FOXP1: variants seen among roughly 807,000 people sequenced by gnomAD.
The protein encoded by FOXP1 is forkhead box protein P1.
In FOXP1, 15 loss-of-function variants were observed where a neutral mutation model predicts 98.2. That is an observed-to-expected ratio of 0.15 (90% CI 0.10 to 0.24). FOXP1 has a LOEUF of 0.24. FOXP1 is among the 10% of genes least tolerant of loss of function. The probability of loss-of-function intolerance (pLI) is 1.00; values close to 1 mark genes in which losing one functional copy is unlikely to be tolerated. For synonymous variants in FOXP1, 371 were observed against 314.5 expected, an observed-to-expected ratio of 1.18 and a Z score of -1.90; for missense variants, 633 against 848.5, an observed-to-expected ratio of 0.75 and a Z score of 3.15.
At chr3:70,985,211 T>C (rs1324938572) in intron 14 of FOXP1, among the ~76,000 whole-genome samples, 1 of 152,168 alleles carries the variant, frequency 6.6e-6, no homozygotes, top group Non-Finnish European at 1.5e-5. Flanking sequence ...CTGTTTCAAA[T>C]TAAAGATTCT....
chr3:71,142,999 A>T (rs7629367), intron 6 of FOXP1, among the ~76,000 whole-genome samples: 20,060 of 152,004 alleles, frequency 0.13, 4,575 homozygotes, highest in African/African-American at 0.46. Flanking sequence ...GGGCTTGCAT[A>T]CTGGTCCCAC....
At chr3:71,354,044 C>A (rs148719123) in intron 4 of FOXP1, among the ~76,000 whole-genome samples, 4 of 151,590 alleles carry the variant, frequency 2.6e-5, no homozygotes, top group Admixed American at 6.6e-5. Context: ...CGGTGGTTCA[C>A]GCCTGTAATC....
At chr3:71,366,200 TA>T (rs201871832) in intron 3 of FOXP1, among the ~76,000 whole-genome samples, 189 of 152,306 alleles carry the variant, frequency 1.2e-3, no homozygotes, top group African/African-American at 4.5e-3. Context: ...TATCTTTTTT[TA>T]AATCTCAGTT....
At chr3:71,440,732 G>T (rs889249251) in intron 3 of FOXP1, among the ~76,000 whole-genome samples, 1 of 151,902 alleles carries the variant, frequency 6.6e-6, no homozygotes, top group Non-Finnish European at 1.5e-5. Flanking sequence ...AGGCATGCTG[G>T]CATGTGCCTG....
chr3:71,490,143 G>A (rs184766228), intron 3 of FOXP1, among the ~76,000 whole-genome samples: 13 of 152,308 alleles, frequency 8.5e-5, no homozygotes, highest in Admixed American at 7.2e-4. Context: ...CGGAAGGCCA[G>A]TCACTGCAGC....
At position 71,555,820 on chromosome 3, in the gene FOXP1, G is replaced by C. The variant is rs73096807; in HGVS notation, c.-298+25729C>G. On this transcript the variant is annotated intron_variant, in intron 2 of 20. Coordinates refer to ENST00000649528, the MANE Select transcript of FOXP1 (RefSeq NM_001349338.3). ...TATTATTTAATAATTCTAGAACTGC[G>C]ATTTTTTAATAATCAAATCAAACTC... 4.6e-5 allele frequency among the ~76,000 whole-genome samples: 7 copies of C among 152,042 alleles called. No homozygotes were observed. In the East Asian group the frequency reaches 1.4e-3, roughly 29 times the overall value.
At chr3:71,239,560 A>T (rs2067078487) in intron 5 of FOXP1, among the ~76,000 whole-genome samples, 1 of 152,136 alleles carries the variant, frequency 6.6e-6, no homozygotes, top group African/African-American at 2.4e-5. Flanking sequence ...AAAAACAAAC[A>T]AACAAACAAA....
chr3:71,479,207 T>C, intron 3 of FOXP1, among the ~76,000 whole-genome samples: 1 of 152,116 alleles, frequency 6.6e-6, no homozygotes, highest in South Asian at 2.1e-4. Context: ...CCACCTTTAC[T>C]TCTACACAGT....
intron 3 of FOXP1, among the ~76,000 whole-genome samples, chr3:71,461,744 G>A (rs894893444): frequency 1.3e-5 from 2 of 151,894 alleles, no homozygotes; most frequent in African/African-American, 4.8e-5. Context: ...AGGGTGCAGT[G>A]AGCCAAGATC....
intron 13 of FOXP1, among the ~76,000 whole-genome samples, chr3:70,990,578 CA>C (rs991173148): frequency 6.6e-6 from 1 of 152,016 alleles, no homozygotes. Flanking sequence ...CCATGAAAAG[CA>C]AAGAAAAGGA....
At chr3:71,513,966 T>A (rs953512422) in intron 2 of FOXP1, among the ~76,000 whole-genome samples, 1 of 152,234 alleles carries the variant, frequency 6.6e-6, no homozygotes, top group African/African-American at 2.4e-5. Context: ...AAACTATGTC[T>A]AATAAAATCC....
chr3:71,214,539 C>T (rs2064768607), intron 5 of FOXP1, among the ~76,000 whole-genome samples: 1 of 152,194 alleles, frequency 6.6e-6, no homozygotes, highest in Non-Finnish European at 1.5e-5. Context: ...TTGCTACTCC[C>T]TGGCATGCCC....
chr3:71,223,399 A>G (rs1339784059), intron 5 of FOXP1, among the ~76,000 whole-genome samples: 1 of 152,178 alleles, frequency 6.6e-6, no homozygotes, highest in African/African-American at 2.4e-5. Context: ...CTTTAAAAAG[A>G]AAATATTTCA....
chr3:71,197,875 G>T, intron 6 of FOXP1: 1 of 1,613,734 alleles, frequency 6.2e-7, no homozygotes, highest in African/African-American at 1.3e-5. Flanking sequence ...GAAAGCAGTG[G>T]GAACCATTTC....
chr3:71,088,922 A>G (rs1004277772), intron 7 of FOXP1, among the ~76,000 whole-genome samples: 1 of 152,210 alleles, frequency 6.6e-6, no homozygotes, highest in Non-Finnish European at 1.5e-5. Context: ...AGTGAAGTGA[A>G]TAATACTTTG....
intron 3 of FOXP1, among the ~76,000 whole-genome samples, chr3:71,384,676 C>G (rs2080434147): frequency 6.6e-6 from 1 of 152,192 alleles, no homozygotes; most frequent in African/African-American, 2.4e-5. Context: ...ATATATTTTC[C>G]TAAAACAATT....
intron 5 of FOXP1, among the ~76,000 whole-genome samples, chr3:71,247,000 T>A (rs980819414): frequency 1.1e-4 from 16 of 152,228 alleles, no homozygotes; most frequent in African/African-American, 3.9e-4. Context: ...AGGGTGATTC[T>A]TTCACTGTGG....
At chr3:70,981,313 T>C (rs2038818060) in intron 14 of FOXP1, among the ~76,000 whole-genome samples, 1 of 149,060 alleles carries the variant, frequency 6.7e-6, no homozygotes, top group Non-Finnish European at 1.5e-5. Flanking sequence ...CATTAGCAAG[T>C]GGGAATAAAT....
At chr3:71,335,824 G>C (rs1176247760) in intron 4 of FOXP1, among the ~76,000 whole-genome samples, 2 of 151,880 alleles carry the variant, frequency 1.3e-5, no homozygotes, top group Non-Finnish European at 2.9e-5. Flanking sequence ...GGCCAACGTG[G>C]TGAAACCCCG....
Sources: allele counts gnomAD v4.1 joint callset (sites outside exome capture counted in the v4.1 genomes callset), GRCh38; gene constraint gnomAD v4.1.1; transcripts MANE v1.5; gene names NCBI Gene and HGNC (gene_info 2026-07-23, HGNC 2026-07-21).